Variants in PTPRM observed in about 807,000 individuals in gnomAD.
PTPRM encodes receptor-type tyrosine-protein phosphatase mu.
PTPRM carries 47 observed loss-of-function variants against 186.7 expected under a neutral mutation model. The ratio of observed to expected loss-of-function variants is 0.25; its 90% CI spans 0.20 to 0.32. PTPRM has a LOEUF of 0.32. Among genes scored for constraint, PTPRM ranks in the 10% least tolerant of loss-of-function variants. PTPRM has a pLI of 1.00. For missense variants in PTPRM, 1,494 were observed against 1,865.0 expected (o/e 0.80, Z 3.66); for synonymous variants, 668 against 674.9 (o/e 0.99, Z 0.16).
intron 2 of PTPRM, among the ~76,000 whole-genome samples, chr18:7,865,956 T>C (rs1208897735): frequency 6.6e-6 from 1 of 152,216 alleles, no homozygotes; most frequent in African/African-American, 2.4e-5. Flanking sequence ...TTCTAGATTT[T>C]CTAGTTTATT....
intron 7 of PTPRM, among the ~76,000 whole-genome samples, chr18:7,980,207 C>G (rs1290497640): frequency 6.6e-6 from 1 of 152,090 alleles, no homozygotes; most frequent in Non-Finnish European, 1.5e-5. Context: ...ACTACCTCAC[C>G]TCTGCACCAC....
chr18:8,241,865 T>C (rs571542444), intron 14 of PTPRM, among the ~76,000 whole-genome samples: 1 of 152,338 alleles, frequency 6.6e-6, no homozygotes, highest in African/African-American at 2.4e-5. Flanking sequence ...CTTAATGTTG[T>C]GGTGTCTGCC....
intron 1 of PTPRM, among the ~76,000 whole-genome samples, chr18:7,583,829 T>C (rs1040742523): frequency 2.6e-5 from 4 of 152,218 alleles, no homozygotes; most frequent in Admixed American, 2.6e-4. Flanking sequence ...CTAGTCTGTA[T>C]GCCTGAGTGG....
At chr18:7,832,049 C>T (rs1280850135) in intron 2 of PTPRM, among the ~76,000 whole-genome samples, 1 of 152,184 alleles carries the variant, frequency 6.6e-6, no homozygotes, top group East Asian at 1.9e-4. Context: ...TATGTTGCTT[C>T]CAAATTTTGG....
chr18:8,024,959 T>A (rs2085478374), intron 7 of PTPRM, among the ~76,000 whole-genome samples: 2 of 152,108 alleles, frequency 1.3e-5, no homozygotes, highest in East Asian at 3.9e-4. Flanking sequence ...CCTCCTGCCT[T>A]GGCCTCCCAA....
chr18:7,621,369 T>C (rs2037933609), intron 1 of PTPRM, among the ~76,000 whole-genome samples: 1 of 152,140 alleles, frequency 6.6e-6, no homozygotes, highest in African/African-American at 2.4e-5. Context: ...GTGCTAGAGT[T>C]CCCATATAGC....
intron 20 of PTPRM, among the ~76,000 whole-genome samples, chr18:8,311,830 A>G (rs1434120997): frequency 6.6e-6 from 1 of 152,174 alleles, no homozygotes; most frequent in Non-Finnish European, 1.5e-5. Flanking sequence ...ATAGGAATTC[A>G]GTCCTGGTGG....
chr18:7,710,150 A>C (rs139774986), intron 1 of PTPRM, among the ~76,000 whole-genome samples: 4 of 152,346 alleles, frequency 2.6e-5, no homozygotes, highest in Middle Eastern at 3.4e-3. Context: ...ATTCTCAACA[A>C]AATAACAGCT....
chr18:7,956,059 G>A (rs2053286732), intron 7 of PTPRM, among the ~76,000 whole-genome samples: 1 of 152,178 alleles, frequency 6.6e-6, no homozygotes, highest in African/African-American at 2.4e-5. Context: ...AAACCTGAAT[G>A]AAGCTCCCCA....
intron 7 of PTPRM, among the ~76,000 whole-genome samples, chr18:7,989,401 A>G (rs2083141034): frequency 6.6e-6 from 1 of 152,176 alleles, no homozygotes; most frequent in African/African-American, 2.4e-5. Context: ...CTTTATTTAC[A>G]GTGCATGTTA....
intron 2 of PTPRM, among the ~76,000 whole-genome samples, chr18:7,791,006 T>A (rs886118885): frequency 1.2e-4 from 19 of 152,188 alleles, no homozygotes; most frequent in Non-Finnish European, 2.4e-4. Flanking sequence ...GCTGGTAGTT[T>A]GTCATGTTTA....
At position 8,039,673 on chromosome 18, in the gene PTPRM, T is replaced by C. The variant is rs1057498247; in HGVS notation, c.1133-30013T>C. Among the ~76,000 whole-genome samples the C allele has an allele frequency of 3.3e-5, 5 of 152,312 alleles. No homozygotes were observed. The South Asian group carries it at 8.3e-4, about 25-fold the overall frequency. On this transcript the variant is annotated intron_variant, in intron 7 of 32. Transcript: ENST00000580170. ...CATCATTTTTTTGTAGTGAGAATAC[T>C]TAAAATCTACTCTCCCAGCGATTTT... is the stretch of plus-strand genomic sequence containing the variant.
intron 14 of PTPRM, among the ~76,000 whole-genome samples, chr18:8,152,185 G>A (rs1362216564): frequency 6.6e-6 from 1 of 152,176 alleles, no homozygotes; most frequent in Non-Finnish European, 1.5e-5. Context: ...CTGGGAGGTT[G>A]AATATGCTAC....
intron 6 of PTPRM, among the ~76,000 whole-genome samples, chr18:7,950,591 A>G (rs1260715951): frequency 6.6e-6 from 1 of 152,168 alleles, no homozygotes; most frequent in Non-Finnish European, 1.5e-5. Context: ...TCAGATAATA[A>G]TGTTATCTAC....
chr18:8,126,092 CA>C (rs1247123605), intron 13 of PTPRM, among the ~76,000 whole-genome samples: 1 of 139,816 alleles, frequency 7.2e-6, no homozygotes, highest in Non-Finnish European at 1.5e-5. Flanking sequence ...CTCACAAAAG[CA>C]TGAAACAGCA....
At chr18:8,025,300 A>G (rs978810987) in intron 7 of PTPRM, among the ~76,000 whole-genome samples, 1 of 152,108 alleles carries the variant, frequency 6.6e-6, no homozygotes, top group African/African-American at 2.4e-5. Flanking sequence ...GTGACCATAC[A>G]TTTTGAAGAT....
At chr18:7,840,107 A>C in intron 2 of PTPRM, among the ~76,000 whole-genome samples, 1 of 69,406 alleles carries the variant, frequency 1.4e-5, no homozygotes, top group East Asian at 3.9e-4. Context: ...GGGCAGGGTG[A>C]TGGGGGAGGG....
chr18:7,709,081 A>G (rs1204169262), intron 1 of PTPRM, among the ~76,000 whole-genome samples: 2 of 152,120 alleles, frequency 1.3e-5, no homozygotes, highest in East Asian at 1.9e-4. Context: ...ACTACTCCCT[A>G]AATCTATTCT....
intron 2 of PTPRM, among the ~76,000 whole-genome samples, chr18:7,848,200 T>C (rs1426365571): frequency 2.0e-5 from 3 of 152,224 alleles, no homozygotes; most frequent in Non-Finnish European, 4.4e-5. Flanking sequence ...AATAGTCTGC[T>C]GGACTGAAAT....
Sources: gnomAD v4.1 joint callset for allele counts (sites outside exome capture counted in the v4.1 genomes callset) on GRCh38, gnomAD v4.1.1 for gene constraint, MANE v1.5 for transcripts, NCBI Gene and HGNC (gene_info 2026-07-23, HGNC 2026-07-21) for gene names.